The following TMEFF2 variants were observed in gnomAD, a reference collection of about 807,000 sequenced individuals.
The protein encoded by TMEFF2 is transmembrane protein with EGF like and two follistatin like domains 2, also known as tomoregulin-2.
In TMEFF2, 28 loss-of-function variants were observed where a neutral mutation model predicts 53.8. The observed-to-expected ratio is 0.52, with a 90% confidence interval of 0.39 to 0.71. The LOEUF (loss-of-function observed/expected upper bound fraction) is 0.71. Among genes scored for constraint, TMEFF2 ranks in the 30% least tolerant of loss-of-function variants. The pLI is 0.00. For synonymous variants in TMEFF2, 162 were observed against 166.3 expected, an observed-to-expected ratio of 0.97 and a Z score of 0.20; for missense variants, 353 against 455.2, an observed-to-expected ratio of 0.78 and a Z score of 2.04.
At chr2:192,133,072 G>A (rs1689896476) in intron 4 of TMEFF2, among the ~76,000 whole-genome samples, 1 of 151,962 alleles carries the variant, frequency 6.6e-6, no homozygotes, top group Non-Finnish European at 1.5e-5. Context: ...TTGACGGCCA[G>A]GCTTCTAAAC....
chr2:192,065,749 A>G (rs536129817), intron 4 of TMEFF2, among the ~76,000 whole-genome samples: 299 of 151,828 alleles, frequency 2.0e-3, no homozygotes, highest in African/African-American at 7.0e-3. Context: ...TTTTTGAATA[A>G]ATTATAAAAA....
intron 5 of TMEFF2, among the ~76,000 whole-genome samples, chr2:192,040,179 A>G (rs1054078075): frequency 1.2e-4 from 18 of 152,118 alleles, no homozygotes; most frequent in Non-Finnish European, 2.2e-4. Flanking sequence ...TAACTACACC[A>G]TAAGAGTTAT....
At chr2:192,193,767 G>T (rs1462740745) in intron 1 of TMEFF2, among the ~76,000 whole-genome samples, 156 of 31,824 alleles carry the variant, frequency 4.9e-3, no homozygotes, top group African/African-American at 0.01. Context: ...TAGATAGAGA[G>T]AGAGAGAGAG....
intron 4 of TMEFF2, among the ~76,000 whole-genome samples, chr2:192,075,310 T>TAAATATATATATATATATAAATATAA (rs1420069208): frequency 6.7e-5 from 5 of 74,914 alleles, no homozygotes; most frequent in African/African-American, 2.0e-4. Context: ...TATATATATA[T>TAAATATATATATATATATAAATATAA]ATATATATAT....
intron 4 of TMEFF2, chr2:192,177,701 GAGAA>G (rs1691079589): frequency 6.6e-6 from 1 of 150,904 alleles, no homozygotes; most frequent in Non-Finnish European, 1.5e-5. Context: ...AACAGAAAAA[GAGAA>G]AGAAAATAAA....
chr2:192,091,240 C>T (rs991866271), intron 4 of TMEFF2, among the ~76,000 whole-genome samples: 1 of 152,144 alleles, frequency 6.6e-6, no homozygotes, highest in Admixed American at 6.6e-5. Context: ...TGGCTCCTCT[C>T]AAACACCTAT....
At chr2:191,982,684 G>T (rs1330418416) in intron 7 of TMEFF2, among the ~76,000 whole-genome samples, 1 of 152,154 alleles carries the variant, frequency 6.6e-6, no homozygotes, top group East Asian at 1.9e-4. Context: ...CCAAGATATT[G>T]CTTGAGTTTC....
chr2:191,986,859 G>GA (rs35061261), intron 7 of TMEFF2, among the ~76,000 whole-genome samples: 29,275 of 76,380 alleles, frequency 0.38, 4,615 homozygotes, highest in African/African-American at 0.5. Context: ...CTCCGTCTCA[G>GA]AAAAAAAAAA....
At chr2:192,130,860 C>T (rs1398919567) in intron 4 of TMEFF2, among the ~76,000 whole-genome samples, 1 of 150,568 alleles carries the variant, frequency 6.6e-6, no homozygotes, top group Non-Finnish European at 1.5e-5. Context: ...GGGGTAGAGA[C>T]AAGGAGAGAA....
At chr2:192,068,830 T>C (rs1405177044) in intron 4 of TMEFF2, among the ~76,000 whole-genome samples, 2 of 151,738 alleles carry the variant, frequency 1.3e-5, no homozygotes, top group African/African-American at 4.8e-5. Context: ...AATAGACCAA[T>C]GAAATAAAAG....
chr2:192,145,926 G>GA (rs933926846), intron 4 of TMEFF2, among the ~76,000 whole-genome samples: 13 of 151,634 alleles, frequency 8.6e-5, no homozygotes, highest in African/African-American at 2.4e-4. Flanking sequence ...GACACAAAAA[G>GA]AAAAAAAACT....
chr2:192,090,970 G>A (rs1688776972), intron 4 of TMEFF2, among the ~76,000 whole-genome samples: 1 of 152,106 alleles, frequency 6.6e-6, no homozygotes, highest in East Asian at 1.9e-4. Context: ...GGCATGCCAC[G>A]AACTCTAATG....
At chr2:192,047,643 G>A (rs1386621736) in intron 5 of TMEFF2, among the ~76,000 whole-genome samples, 2 of 152,158 alleles carry the variant, frequency 1.3e-5, no homozygotes, top group African/African-American at 4.8e-5. Context: ...CTTTACATTA[G>A]GGGGGCTAGA....
chr2:192,003,769 A>G (rs1178351347), intron 5 of TMEFF2, among the ~76,000 whole-genome samples: 3 of 152,242 alleles, frequency 2.0e-5, no homozygotes, highest in Non-Finnish European at 2.9e-5. Flanking sequence ...GTATAGCTCA[A>G]TGAACTCTAC....
intron 4 of TMEFF2, among the ~76,000 whole-genome samples, chr2:192,059,016 A>G (rs1377703265): frequency 6.6e-6 from 1 of 151,962 alleles, no homozygotes; most frequent in Non-Finnish European, 1.5e-5. Flanking sequence ...AAAATCAAAG[A>G]TCTTTAGTTT....
rs1161723733 is a variant in TMEFF2, at chr2:192,194,369, G to A, written c.156C>T (p.Thr52=). The A allele has an allele frequency of 6.2e-7, 1 of 1,614,164 alleles. No individual in the cohort carries two copies. The change falls in exon 1 of 10, where the codon ACC becomes ACT. Residue 52 remains threonine, a synonymous_variant. Transcript: ENST00000272771. This position sits in a 1 kb window ranked among gnomAD's most constrained non-coding sequence, Gnocchi z 4.2. ...TGGACTTACCAGAGCAATTCCAGCCGGTGGGCGTTTGGCAGTCACTTAAGG... is the reference window on the plus strand; with the variant it reads ...TGGACTTACCAGAGCAATTCCAGCCAGTGGGCGTTTGGCAGTCACTTAAGG... ...PTSLSDCQTP[T]GWNCSGYDDR... is the part of the protein sequence containing the mutation.
chr2:192,049,144 A>AT (rs1156670238), intron 5 of TMEFF2, among the ~76,000 whole-genome samples: 4 of 72,752 alleles, frequency 5.5e-5, no homozygotes. Flanking sequence ...AGATAGATAC[A>AT]TTTGGTCTAT....
chr2:191,978,959 C>T (rs1472146961), intron 7 of TMEFF2, among the ~76,000 whole-genome samples: 1 of 152,120 alleles, frequency 6.6e-6, no homozygotes, highest in African/African-American at 2.4e-5. Context: ...ATTAACTCCT[C>T]CAGGAGCTGG....
chr2:192,084,397 T>C (rs60153485), intron 4 of TMEFF2, among the ~76,000 whole-genome samples: 2,036 of 152,296 alleles, frequency 0.013, 57 homozygotes, highest in African/African-American at 0.046. Context: ...ACTTGGCACA[T>C]ATGGGTGCTT....
Sources: allele counts gnomAD v4.1 joint callset (sites outside exome capture counted in the v4.1 genomes callset), GRCh38; gene constraint gnomAD v4.1.1; non-coding constraint Gnocchi (gnomAD v3.1); transcripts MANE v1.5; gene names NCBI Gene and HGNC (gene_info 2026-07-23, HGNC 2026-07-21).